The following NRCAM variants were observed in gnomAD, a reference collection of about 807,000 sequenced individuals.
The protein encoded by NRCAM is NgCAM-related cell adhesion molecule.
NRCAM carries 83 observed loss-of-function variants against 156.5 expected under a neutral mutation model. The ratio of observed to expected loss-of-function variants is 0.53; its 90% CI spans 0.44 to 0.64. NRCAM has a LOEUF of 0.64. NRCAM is among the 30% of genes least tolerant of loss of function. NRCAM has a pLI of 0.00. For missense variants in NRCAM, 1,417 were observed against 1,597.3 expected (o/e 0.89, Z 1.92); for synonymous variants, 538 against 563.9 (o/e 0.95, Z 0.65).
At chr7:108,264,752 TCTC>T (rs1271228236) in intron 3 of NRCAM, among the ~76,000 whole-genome samples, 3 of 152,348 alleles carry the variant, frequency 2.0e-5, no homozygotes, top group African/African-American at 7.2e-5. Context: ...TGGGTTGTCT[TCTC>T]CTAACCAGAA....
rs763082675 is a variant in NRCAM, at chr7:108,271,921, A to G, written c.-106-31751T>C. ...CTAGCAAGCAAAATTTAGCATAAAC[A>G]TAAGTCACTTCAGAGAGTTCAGCCA... On this transcript the variant is annotated intron_variant, in intron 3 of 32. Transcript: ENST00000379028. Among the ~76,000 whole-genome samples the G allele has an allele frequency of 9.2e-5, 14 of 152,212 alleles. No homozygotes were observed. The South Asian group carries it at 2.5e-3, about 27-fold the overall frequency.
intron 1 of NRCAM, among the ~76,000 whole-genome samples, chr7:108,408,623 C>T (rs1311035753): frequency 6.6e-6 from 1 of 152,196 alleles, no homozygotes; most frequent in Non-Finnish European, 1.5e-5. Flanking sequence ...ATAGCCAAAG[C>T]CTCTTATTAG....
At chr7:108,325,752 C>A (rs536389268) in intron 2 of NRCAM, among the ~76,000 whole-genome samples, 2 of 151,960 alleles carry the variant, frequency 1.3e-5, no homozygotes, top group South Asian at 4.2e-4. Flanking sequence ...TGCTATATCC[C>A]CAGTGCCTAG....
chr7:108,202,831 C>T (rs939788709), intron 13 of NRCAM, among the ~76,000 whole-genome samples: 2 of 152,150 alleles, frequency 1.3e-5, no homozygotes, highest in Non-Finnish European at 1.5e-5. Flanking sequence ...CCTCCTCATC[C>T]CTGAGAGGAC....
intron 32 of NRCAM, chr7:108,156,219 T>G (rs2045377874): frequency 1.3e-6 from 1 of 797,978 alleles, no homozygotes; most frequent in Non-Finnish European, 1.5e-6. Flanking sequence ...GAGCATGGGT[T>G]AGCATGCTTG....
Position 108,360,153 on chromosome 7 carries a change from T to C in NRCAM, c.-174+39283A>G, listed in dbSNP as rs1053453345. 2.6e-5 allele frequency among the ~76,000 whole-genome samples: 4 copies of C among 152,188 alleles called. 1 individual carries two copies. The South Asian group carries it at 6.2e-4, about 24-fold the overall frequency. ...CATATTTCAGGGAAGTGGTTATCTG[T>C]AGAAATGTACAAAGAGATTGGATTC... On this transcript the variant is annotated intron_variant, in intron 2 of 32. Transcript: ENST00000379028.
In NRCAM at chr7:108,235,063, A is replaced by G. The variant is rs192224356; in HGVS notation, c.125-375T>C. ...TTTCAAAGGAATTTAAGTTATGATA[A>G]ATTTGCATCTTTCTTAAGAAAGAGT... On this transcript the variant is annotated intron_variant, in intron 5 of 32. Transcript: ENST00000379028. Among the ~76,000 whole-genome samples, 598 of 152,308 alleles carry G rather than the reference A, an allele frequency of 3.9e-3. 7 individuals carry two copies. Among genetic ancestry groups the G allele is most frequent in the African/African-American group, 0.013 (525 of 41,564 alleles).
intron 3 of NRCAM, among the ~76,000 whole-genome samples, chr7:108,278,350 T>A (rs1424549993): frequency 6.6e-6 from 1 of 152,190 alleles, no homozygotes; most frequent in African/African-American, 2.4e-5. Flanking sequence ...CTAGAGGTGG[T>A]ATCTAGAGAG....
intron 1 of NRCAM, among the ~76,000 whole-genome samples, chr7:108,441,520 T>TGCATG (rs1375446353): frequency 1.3e-5 from 2 of 152,246 alleles, no homozygotes; most frequent in Non-Finnish European, 2.9e-5. Flanking sequence ...GGGTCATAAC[T>TGCATG]GTAACTCTCA....
chr7:108,160,727 C>T (rs1193952027), intron 30 of NRCAM, among the ~76,000 whole-genome samples: 1 of 152,140 alleles, frequency 6.6e-6, no homozygotes, highest in Non-Finnish European at 1.5e-5. Context: ...ACATTAAATG[C>T]TAAAAACCCC....
chr7:108,239,604 T>C (rs979575022), intron 4 of NRCAM, among the ~76,000 whole-genome samples: 1 of 152,074 alleles, frequency 6.6e-6, no homozygotes, highest in East Asian at 1.9e-4. Context: ...CATTTTAAAG[T>C]GGCTCATATA....
chr7:108,213,404 G>T (rs1312765410), intron 11 of NRCAM, among the ~76,000 whole-genome samples: 1 of 152,130 alleles, frequency 6.6e-6, no homozygotes, highest in South Asian at 2.1e-4. Flanking sequence ...ATGAATGCAA[G>T]GGTATCTCAC....
intron 1 of NRCAM, among the ~76,000 whole-genome samples, chr7:108,454,035 G>A (rs537802911): frequency 2.4e-4 from 36 of 152,304 alleles, no homozygotes; most frequent in African/African-American, 8.7e-4. Context: ...ACTTTATGAT[G>A]TGCCAGGAAC....
chr7:108,352,341 T>C (rs2099418985), intron 2 of NRCAM, among the ~76,000 whole-genome samples: 1 of 152,238 alleles, frequency 6.6e-6, no homozygotes, highest in Admixed American at 6.5e-5. Flanking sequence ...GTGAGTGGCA[T>C]ACACATAATT....
chr7:108,215,992 T>C (rs547680496), intron 11 of NRCAM, among the ~76,000 whole-genome samples: 14 of 152,230 alleles, frequency 9.2e-5, no homozygotes, highest in Non-Finnish European at 1.9e-4. Flanking sequence ...GTTGATGCAG[T>C]TTCTTCATAG....
intron 2 of NRCAM, among the ~76,000 whole-genome samples, chr7:108,363,211 G>A (rs1184755021): frequency 6.6e-6 from 1 of 152,162 alleles, no homozygotes; most frequent in Non-Finnish European, 1.5e-5. Context: ...CATATGTTCT[G>A]TGAAAAAGAA....
chr7:108,244,921 T>C (rs1168149312), intron 3 of NRCAM, among the ~76,000 whole-genome samples: 1 of 152,194 alleles, frequency 6.6e-6, no homozygotes, highest in Non-Finnish European at 1.5e-5. Flanking sequence ...TTGATATTCA[T>C]AAAAACCCCA....
chr7:108,411,521 A>G (rs1432668261), intron 1 of NRCAM, among the ~76,000 whole-genome samples: 1 of 152,178 alleles, frequency 6.6e-6, no homozygotes, highest in Non-Finnish European at 1.5e-5. Flanking sequence ...ATCAGTAGAC[A>G]TGGGCCTAGA....
chr7:108,207,060 T>C (rs1219904983), intron 13 of NRCAM, among the ~76,000 whole-genome samples: 2 of 152,226 alleles, frequency 1.3e-5, no homozygotes, highest in Non-Finnish European at 2.9e-5. Context: ...TGAGAACACC[T>C]GGGCTATACT....
Sources: gnomAD v4.1 joint callset for allele counts (sites outside exome capture counted in the v4.1 genomes callset) on GRCh38, gnomAD v4.1.1 for gene constraint, MANE v1.5 for transcripts, NCBI Gene and HGNC (gene_info 2026-07-23, HGNC 2026-07-21) for gene names.